SYTL2: variants seen among roughly 807,000 people sequenced by gnomAD.
SYTL2 encodes the protein synaptotagmin like 2, also known as synaptotagmin-like protein 2.
A neutral mutation model predicts 198.7 loss-of-function variants in SYTL2; 165 were observed. The observed-to-expected ratio is 0.83, with a 90% CI of 0.73 to 0.94. The LOEUF (loss-of-function observed/expected upper bound fraction) is 0.94, where lower values mean the gene tolerates loss of function less well. SYTL2 is among the 40% of genes least tolerant of loss of function. The pLI, the probability that SYTL2 is intolerant of heterozygous loss-of-function variation, is 0.00. For synonymous variants in SYTL2, 966 were observed against 917.7 expected, an observed-to-expected ratio of 1.05 and a Z score of -0.95; for missense variants, 2,835 against 2,582.8, an observed-to-expected ratio of 1.10 and a Z score of -2.12.
chr11:85,825,819 C>G, the SYTL2 span, among the ~76,000 whole-genome samples: 4 of 152,224 alleles, frequency 2.6e-5, no homozygotes, highest in South Asian at 8.3e-4. Flanking sequence ...CTTAACTTCT[C>G]TAAGACTGTT....
intron 2 of SYTL2, among the ~76,000 whole-genome samples, chr11:85,757,223 C>A (rs571375507): frequency 1.5e-5 from 2 of 129,998 alleles, no homozygotes; most frequent in Admixed American, 1.6e-4. Flanking sequence ...AATTTATTTT[C>A]TTTTCAAAAT....
At chr11:85,762,175 TTAAGTA>T (rs1397885487) in intron 1 of SYTL2, among the ~76,000 whole-genome samples, 1 of 152,184 alleles carries the variant, frequency 6.6e-6, no homozygotes, top group Non-Finnish European at 1.5e-5. Flanking sequence ...CATTCTCTGC[TTAAGTA>T]TAAGAGACTC....
rs1392211093 is a variant in SYTL2, at chr11:85,727,339, A to G, written c.2019T>C (p.Val673=). 2.0e-6 allele frequency: 3 copies of G among 1,535,970 alleles called. No homozygotes were observed. The African/African-American group carries it at 4.1e-5, about 21-fold the overall frequency. The change falls in exon 8 of 20, where the codon GTT becomes GTC. Residue 673 remains valine, a synonymous_variant. Transcript: ENST00000359152. ...GGTTTTCTGCATCAGATTCCTTGAGAACACTGTAGGAATAGTTACTATTTG... is the reference window on the plus strand; with the variant it reads ...GGTTTTCTGCATCAGATTCCTTGAGGACACTGTAGGAATAGTTACTATTTG... ...SPSNSNYSYS[V]LKESDAENQV...
At chr11:85,852,268 T>G in the SYTL2 span, among the ~76,000 whole-genome samples, 1 of 152,206 alleles carries the variant, frequency 6.6e-6, no homozygotes, top group Non-Finnish European at 1.5e-5. Flanking sequence ...ATTTCTGTCT[T>G]CCTGGGACAA....
In SYTL2 at chr11:85,734,023, C is replaced by T. The variant is rs1565947619; in HGVS notation, c.1306G>A (p.Glu436Lys). Residue 436 changes from glutamate (E) to lysine (K), a missense_variant, in exon 7 of 20, where the codon GAG becomes AAG. Glu to Lys is a moderately conservative substitution (Grantham distance 56, BLOSUM62 1). Coordinates refer to ENST00000359152, the MANE Select transcript of SYTL2 (RefSeq NM_206927.4). ...GGTTCATTGATGGTTGGTGAATTCT[C>T]CATAGACTGTGGTCTTGCAGTTAAA... ...EVLTARPQSM[E>K]NSPTINEPKD... The T allele has an allele frequency of 6.2e-7, 1 of 1,614,090 alleles. No homozygotes were observed. The highest frequency in any genetic ancestry group is 1.3e-5 in the African/African-American group (1 of 75,042).
chr11:85,726,544 C>T lies in SYTL2; in HGVS notation c.2814G>A (p.Gly938=), dbSNP rs1016043123. 1.9e-6 allele frequency: 3 copies of T among 1,599,882 alleles called. No individual in the cohort carries two copies. The highest frequency in any genetic ancestry group is 1.3e-5 in the African/African-American group (1 of 75,000). ...LPALQPPSNV[G]SERHAPLEKD... ...TCTCCAATGGAGCATGTCGTTCACTCCCGACATTTGAGGGAGGTTGCAGTG... is the reference window on the plus strand; with the variant it reads ...TCTCCAATGGAGCATGTCGTTCACTTCCGACATTTGAGGGAGGTTGCAGTG... The change falls in exon 8 of 20, where the codon GGG becomes GGA. Residue 938 remains glycine (G), a synonymous_variant. Coordinates refer to ENST00000359152, the MANE Select transcript of SYTL2 (RefSeq NM_206927.4).
chr11:85,822,558 C>A, the SYTL2 span, among the ~76,000 whole-genome samples: 1 of 152,214 alleles, frequency 6.6e-6, no homozygotes, highest in Non-Finnish European at 1.5e-5. Flanking sequence ...TGTCTGGAAA[C>A]TGCTGCTGCT....
At chr11:85,803,666 C>A (rs1482624985) in intron 1 of SYTL2, among the ~76,000 whole-genome samples, 1 of 152,206 alleles carries the variant, frequency 6.6e-6, no homozygotes, top group East Asian at 1.9e-4. Context: ...AATATAACAT[C>A]TTTCCTTTAG....
chr11:85,708,973 G>A (rs2085744785), intron 14 of SYTL2, among the ~76,000 whole-genome samples: 1 of 149,624 alleles, frequency 6.7e-6, no homozygotes, highest in Non-Finnish European at 1.5e-5. Context: ...CGAGTAGCTG[G>A]GACTACAGGC....
chr11:85,842,699 G>A, the SYTL2 span, among the ~76,000 whole-genome samples: 1 of 152,132 alleles, frequency 6.6e-6, no homozygotes, highest in African/African-American at 2.4e-5. Flanking sequence ...GATCTTGGAG[G>A]GCCTTATCAG....
chr11:85,815,989 C>A (rs1477867033), upstream of SYTL2, among the ~76,000 whole-genome samples: 3 of 152,016 alleles, frequency 2.0e-5, no homozygotes, highest in Non-Finnish European at 2.9e-5. Flanking sequence ...CATGGTAAAA[C>A]CCCATCTCTA....
At chr11:85,757,604 A>T in intron 2 of SYTL2, 21 bp downstream of exon 2, 2 of 1,612,350 alleles carry the variant, frequency 1.2e-6, no homozygotes, top group South Asian at 2.2e-5. Context: ...CCTCATGCCC[A>T]AGGCTTCTCT....
intron 2 of SYTL2, among the ~76,000 whole-genome samples, chr11:85,752,945 A>AAAAAAAAAAAAAAAAG (rs2091621980): frequency 7.0e-6 from 1 of 142,434 alleles, no homozygotes; most frequent in African/African-American, 2.7e-5. Context: ...AAAAAAAAAA[A>AAAAAAAAAAAAAAAAG]AAAAAACACA....
intron 8 of SYTL2, among the ~76,000 whole-genome samples, chr11:85,721,997 T>C (rs775963109): frequency 3.9e-5 from 6 of 152,090 alleles, no homozygotes; most frequent in Non-Finnish European, 8.8e-5. Flanking sequence ...AAAATTACAG[T>C]ACCCTTATAG....
chr11:85,851,176 TAA>T, the SYTL2 span, among the ~76,000 whole-genome samples: 1 of 149,138 alleles, frequency 6.7e-6, no homozygotes, highest in African/African-American at 2.5e-5. Flanking sequence ...GAAAGTATAA[TAA>T]AAAAAAAAGA....
At chr11:85,730,680 G>T (rs2089718303) in intron 7 of SYTL2, among the ~76,000 whole-genome samples, 1 of 152,090 alleles carries the variant, frequency 6.6e-6, no homozygotes, top group Admixed American at 6.5e-5. Flanking sequence ...TTGAAAACTG[G>T]CACAAGACAA....
rs370756412 is a variant in SYTL2 at position 85,734,156 on chromosome 11, C to T, written c.1173G>A (p.Ser391=). The T allele has an allele frequency of 4.3e-4, 688 of 1,614,130 alleles. 17 individuals carry two copies. The South Asian group carries it at 6.8e-3, about 16-fold the overall frequency. Residue 391 remains serine, a synonymous_variant, in exon 7 of 20, where the codon TCG becomes TCA. Transcript: ENST00000359152. ...GGCTTGAGGTTGATTGATGAAAAAG[C>T]GAAGGCTTTCTGTATTGAGAAGGCT... ...DPKPSQYRKP[S]LFHQSTSSPY...
rs771537010 is a variant in SYTL2, at chr11:85,724,630, A to G, written c.4728T>C (p.Thr1576=). Residue 1576 remains threonine (T), a synonymous_variant, in exon 8 of 20, where the codon ACT becomes ACC. Transcript: ENST00000359152. Reference sequence around the variant, plus strand: ...CCTGGGGCTGATAAGGAGGAGCTTCAGTTATTTCTTTAAGAAGTTTCTCAA... The same window carrying G: ...CCTGGGGCTGATAAGGAGGAGCTTCGGTTATTTCTTTAAGAAGTTTCTCAA... ...AGFEKLLKEI[T]EAPPYQPQVS... 4 of 1,613,234 alleles carry G rather than the reference A, an allele frequency of 2.5e-6. No homozygotes were observed. Among genetic ancestry groups the G allele is most frequent in the Non-Finnish European group, 3.4e-6 (4 of 1,179,766 alleles).
intron 14 of SYTL2, chr11:85,708,001 C>G: frequency 3.2e-6 from 1 of 311,746 alleles, no homozygotes; most frequent in South Asian, 2.4e-5. Flanking sequence ...CACACACACA[C>G]AGAGCTACAA....
Sources: allele counts gnomAD v4.1 joint callset (sites outside exome capture counted in the v4.1 genomes callset), GRCh38; gene constraint gnomAD v4.1.1; transcripts MANE v1.5; gene names NCBI Gene and HGNC (gene_info 2026-07-23, HGNC 2026-07-21).